Variants in GNG7 observed in about 807,000 individuals in gnomAD.
The protein encoded by GNG7 is G protein subunit gamma 7.
In GNG7, 1 loss-of-function variant was observed where a neutral mutation model predicts 4.0. That is an observed-to-expected ratio of 0.25 (90% confidence interval 0.09 to 1.18). GNG7 has a LOEUF of 1.18. Among genes scored for constraint, GNG7 ranks in the 50% most tolerant of loss-of-function variants. The probability of loss-of-function intolerance (pLI) is 0.50; values close to 1 mark genes in which losing one functional copy is unlikely to be tolerated. For missense variants in GNG7, 86 were observed against 91.9 expected (o/e 0.94, Z 0.26); for synonymous variants, 34 against 36.9 (o/e 0.92, Z 0.29).
In GNG7 at chr19:2,682,283, C is replaced by T. The variant is rs549536790; in HGVS notation, c.-135+20363G>A. On this transcript the variant is annotated intron_variant, in intron 1 of 4. Coordinates refer to ENST00000382159, the MANE Select transcript of GNG7 (RefSeq NM_052847.3). Reference sequence around the variant, plus strand: ...AGCTAGAAGGAAGCCGGAGTTTTACCTGGAAAAATGTGCAAGGAAACGTGG... The same window carrying T: ...AGCTAGAAGGAAGCCGGAGTTTTACTTGGAAAAATGTGCAAGGAAACGTGG... 2.0e-5 allele frequency among the ~76,000 whole-genome samples: 3 copies of T among 152,226 alleles called. No individual in the cohort carries two copies. In the East Asian group the frequency reaches 5.8e-4, roughly 29 times the overall value.
chr19:2,668,220 C>CAA (rs11386382), intron 1 of GNG7, among the ~76,000 whole-genome samples: 1,760 of 140,142 alleles, frequency 0.013, 34 homozygotes, highest in African/African-American at 0.017. Context: ...AAAAGTTTAT[C>CAA]AAAAAAAAAA....
rs150518485 is a variant in GNG7, at chr19:2,606,050, C to T, written c.-78+40174G>A. ...GCTCACAGGAAATGCCTCCATGCCCCGCAGTCGGGCAAGCTTCCAAGCAAG... is the reference window on the plus strand; with the variant it reads ...GCTCACAGGAAATGCCTCCATGCCCTGCAGTCGGGCAAGCTTCCAAGCAAG... On this transcript the variant is annotated intron_variant, in intron 2 of 4. Coordinates refer to ENST00000382159, the MANE Select transcript of GNG7 (RefSeq NM_052847.3). 5.9e-3 allele frequency among the ~76,000 whole-genome samples: 900 copies of T among 152,242 alleles called. 6 individuals carry two copies. The highest frequency in any genetic ancestry group is 0.02 in the African/African-American group (829 of 41,530).
At chr19:2,564,608 T>C (rs1979845356) in intron 2 of GNG7, among the ~76,000 whole-genome samples, 1 of 151,676 alleles carries the variant, frequency 6.6e-6, no homozygotes, top group Non-Finnish European at 1.5e-5. Flanking sequence ...AGGAGAGATT[T>C]AGAGATGCAG....
chr19:2,531,005 C>A (rs1352584931), intron 3 of GNG7, among the ~76,000 whole-genome samples: 2 of 151,946 alleles, frequency 1.3e-5, no homozygotes, highest in East Asian at 1.9e-4. Flanking sequence ...TAATATTGCA[C>A]TGTAAGAGTA....
At chr19:2,568,085 G>GCACA (rs143430661) in intron 2 of GNG7, among the ~76,000 whole-genome samples, 1 of 143,356 alleles carries the variant, frequency 7.0e-6, no homozygotes. Context: ...ATATACACAT[G>GCACA]CACACACACA....
chr19:2,582,104 A>G (rs1980520815), intron 2 of GNG7, among the ~76,000 whole-genome samples: 1 of 152,190 alleles, frequency 6.6e-6, no homozygotes, highest in Admixed American at 6.5e-5. Flanking sequence ...AAGTGAACAA[A>G]CCAGCTTAAT....
intron 1 of GNG7, among the ~76,000 whole-genome samples, chr19:2,654,727 G>A (rs541189091): frequency 1.3e-5 from 2 of 151,554 alleles, no homozygotes; most frequent in African/African-American, 4.8e-5. Flanking sequence ...TGTCTGTTGT[G>A]AGCAGAGACG....
intron 1 of GNG7, among the ~76,000 whole-genome samples, chr19:2,690,142 G>T (rs1013108689): frequency 1.3e-5 from 2 of 152,096 alleles, no homozygotes; most frequent in Admixed American, 6.6e-5. Context: ...AGCACTTTGG[G>T]AGGCCGAAGC....
At chr19:2,602,462 G>A (rs962385665) in intron 2 of GNG7, among the ~76,000 whole-genome samples, 10 of 152,306 alleles carry the variant, frequency 6.6e-5, no homozygotes, top group African/African-American at 2.4e-4. Flanking sequence ...CCTTCAGGGC[G>A]CTGGGGAGGA....
chr19:2,552,576 G>C (rs1470989961), intron 3 of GNG7, among the ~76,000 whole-genome samples: 1 of 151,560 alleles, frequency 6.6e-6, no homozygotes, highest in African/African-American at 2.4e-5. Context: ...GTAGAGATGA[G>C]GTTTCATCTT....
At chr19:2,657,266 C>T (rs1389018448) in intron 1 of GNG7, among the ~76,000 whole-genome samples, 2 of 142,778 alleles carry the variant, frequency 1.4e-5, no homozygotes, top group Non-Finnish European at 3.0e-5. Context: ...CCTAGGAGTT[C>T]GAAGCTGCAG....
chr19:2,520,509 G>A (rs1978302190), intron 4 of GNG7, 99 bp downstream of exon 4: 2 of 668,168 alleles, frequency 3.0e-6, no homozygotes, highest in Non-Finnish European at 5.4e-6. Flanking sequence ...AGACACAGTT[G>A]GGGTGCAAGC....
At chr19:2,597,584 C>G (rs1441028042) in intron 2 of GNG7, among the ~76,000 whole-genome samples, 1 of 138,680 alleles carries the variant, frequency 7.2e-6, no homozygotes, top group African/African-American at 2.7e-5. Context: ...GTGACAAGAG[C>G]AAAACTCCTT....
intron 3 of GNG7, chr19:2,538,354 G>A: frequency 2.2e-6 from 1 of 447,214 alleles, no homozygotes; most frequent in Non-Finnish European, 4.5e-6. Flanking sequence ...CAGTGGTGGT[G>A]ACTCATGCCT....
intron 2 of GNG7, among the ~76,000 whole-genome samples, chr19:2,582,547 A>G (rs1033819932): frequency 1.3e-5 from 2 of 151,668 alleles, no homozygotes; most frequent in African/African-American, 4.8e-5. Flanking sequence ...TAGTGGTACA[A>G]TTGTGCCTCA....
At chr19:2,637,612 C>A (rs777323966) in intron 2 of GNG7, among the ~76,000 whole-genome samples, 35 of 152,208 alleles carry the variant, frequency 2.3e-4, no homozygotes, top group Non-Finnish European at 3.7e-4. Flanking sequence ...AACAGAGAAC[C>A]CCTTCAAGGT....
At chr19:2,537,392 C>T (rs950985065) in intron 3 of GNG7, among the ~76,000 whole-genome samples, 1 of 152,052 alleles carries the variant, frequency 6.6e-6, no homozygotes, top group Admixed American at 6.6e-5. Flanking sequence ...ACTACAGGTG[C>T]ATGCCACTAG....
At chr19:2,657,352 AAAAAAAAAAATATAT>A (rs1239289947) in intron 1 of GNG7, among the ~76,000 whole-genome samples, 14 of 23,338 alleles carry the variant, frequency 6.0e-4, no homozygotes, top group South Asian at 2.5e-3. Flanking sequence ...AAAAAAAAAA[AAAAAAAAAAATATAT>A]ATATATATAT....
chr19:2,592,696 C>G (rs1029699607), intron 2 of GNG7, among the ~76,000 whole-genome samples: 2 of 142,804 alleles, frequency 1.4e-5, no homozygotes, highest in Non-Finnish European at 3.0e-5. Context: ...ATGATTGCAT[C>G]GTTTCACTCC....
Sources: gnomAD v4.1 joint callset for allele counts (sites outside exome capture counted in the v4.1 genomes callset) on GRCh38, gnomAD v4.1.1 for gene constraint, MANE v1.5 for transcripts, NCBI Gene and HGNC (gene_info 2026-07-23, HGNC 2026-07-21) for gene names.